The following CCDC192 variants were observed in gnomAD, a reference collection of about 807,000 sequenced individuals.
CCDC192 encodes the protein coiled-coil domain-containing protein 192.
chr5:127,778,429 A>T (rs879838992), intron 3 of CCDC192, among the ~76,000 whole-genome samples: 2 of 152,120 alleles, frequency 1.3e-5, no homozygotes, highest in Admixed American at 1.3e-4. Context: ...CCATTTTTAG[A>T]TATTGAACCA....
At chr5:127,923,995 A>G (rs1403777299) in intron 6 of CCDC192, among the ~76,000 whole-genome samples, 1 of 152,202 alleles carries the variant, frequency 6.6e-6, no homozygotes, top group African/African-American at 2.4e-5. Context: ...CTTAGGTACA[A>G]TAATAAACTT....
chr5:127,914,434 A>G (rs1242202392), intron 6 of CCDC192, among the ~76,000 whole-genome samples: 1 of 152,212 alleles, frequency 6.6e-6, no homozygotes, highest in Non-Finnish European at 1.5e-5. Context: ...CAATGTATAA[A>G]TACTATAAAT....
rs116044756 is a variant in CCDC192 at position 127,803,490 on chromosome 5, T to C, written c.411+5328T>C. 6.2e-3 allele frequency among the ~76,000 whole-genome samples: 939 copies of C among 152,326 alleles called. 10 individuals carry two copies. The highest frequency in any genetic ancestry group is 0.022 in the African/African-American group (903 of 41,568). ...GAATGTTTATAATTACTTAAAGATATCTGTTCTTGTTAGGGCGATTTGAGT... is the reference window on the plus strand; with the variant it reads ...GAATGTTTATAATTACTTAAAGATACCTGTTCTTGTTAGGGCGATTTGAGT... On this transcript the variant is annotated intron_variant, in intron 5 of 6. Transcript: ENST00000514853.
chr5:127,888,257 A>T (rs1752629759), intron 6 of CCDC192, among the ~76,000 whole-genome samples: 1 of 151,718 alleles, frequency 6.6e-6, no homozygotes, highest in African/African-American at 2.4e-5. Context: ...CTCTACTAAA[A>T]ATACAAAAAT....
At chr5:127,798,417 A>T (rs1252052697) in intron 5 of CCDC192, among the ~76,000 whole-genome samples, 2 of 152,162 alleles carry the variant, frequency 1.3e-5, no homozygotes, top group Non-Finnish European at 2.9e-5. Context: ...AGAAGAAGAG[A>T]ACTGGAAACT....
intron 5 of CCDC192, among the ~76,000 whole-genome samples, chr5:127,807,250 T>A (rs1757841044): frequency 6.6e-6 from 1 of 152,204 alleles, no homozygotes; most frequent in African/African-American, 2.4e-5. Flanking sequence ...TAGTTTATAA[T>A]TCTATGGAAT....
At chr5:127,857,652 T>C (rs1751158591) in intron 5 of CCDC192, 1 of 152,236 alleles carries the variant, frequency 6.6e-6, no homozygotes, top group Non-Finnish European at 1.5e-5. Context: ...GCTGTAGGGC[T>C]GGCTGGTAAA....
chr5:127,747,305 G>A (rs1161045281), intron 2 of CCDC192, among the ~76,000 whole-genome samples: 2 of 150,578 alleles, frequency 1.3e-5, no homozygotes, highest in Admixed American at 1.3e-4. Flanking sequence ...CCCTTCCTGT[G>A]TCCATGTGAT....
At chr5:127,920,407 CTTTTTTT>C (rs11388727) in intron 6 of CCDC192, among the ~76,000 whole-genome samples, 1 of 115,828 alleles carries the variant, frequency 8.6e-6, no homozygotes, top group Admixed American at 8.9e-5. Flanking sequence ...ACTGAAGAGG[CTTTTTTT>C]TTTTTTTTTT....
At chr5:127,815,871 A>G (rs1749000600) in intron 5 of CCDC192, among the ~76,000 whole-genome samples, 1 of 151,914 alleles carries the variant, frequency 6.6e-6, no homozygotes, top group Non-Finnish European at 1.5e-5. Flanking sequence ...CTGTCTGAAA[A>G]AAAAAATAAA....
At chr5:127,798,849 G>A (rs1757322843) in intron 5 of CCDC192, among the ~76,000 whole-genome samples, 1 of 151,930 alleles carries the variant, frequency 6.6e-6, no homozygotes, top group South Asian at 2.1e-4. Context: ...GCCTGAGAGA[G>A]ACCCCATGAA....
chr5:127,916,976 G>A (rs529383378), intron 6 of CCDC192, among the ~76,000 whole-genome samples: 4 of 152,284 alleles, frequency 2.6e-5, no homozygotes, highest in African/African-American at 9.6e-5. Context: ...TCCAATAGAA[G>A]GCTGTTTTGT....
At chr5:127,855,004 C>G (rs1751000037) in intron 5 of CCDC192, among the ~76,000 whole-genome samples, 1 of 152,082 alleles carries the variant, frequency 6.6e-6, no homozygotes, top group Admixed American at 6.5e-5. Flanking sequence ...TAATTTGTTG[C>G]TAAAAAATGT....
chr5:127,752,839 G>T (rs1580597267), intron 2 of CCDC192, among the ~76,000 whole-genome samples: 1 of 152,314 alleles, frequency 6.6e-6, no homozygotes, highest in East Asian at 1.9e-4. Context: ...AAGCCGGTTG[G>T]AAAAGTGCGG....
At chr5:127,725,145 A>G (rs920383223) in intron 2 of CCDC192, among the ~76,000 whole-genome samples, 1 of 152,220 alleles carries the variant, frequency 6.6e-6, no homozygotes, top group African/African-American at 2.4e-5. Context: ...GCAATTAGCA[A>G]AAGAGGAAAG....
In CCDC192 at chr5:127,803,390, G is replaced by C. The variant is rs138096067; in HGVS notation, c.411+5228G>C. Among the ~76,000 whole-genome samples the C allele has an allele frequency of 1.0e-3, 152 of 152,194 alleles. 4 individuals carry two copies. In the East Asian group the frequency reaches 0.028, roughly 28 times the overall value. On this transcript the variant is annotated intron_variant, in intron 5 of 6. Coordinates refer to ENST00000514853, the MANE Select transcript of CCDC192 (RefSeq NM_001317938.2). ...GCCATCACCGGGCTAAGCTGCCCTG[G>C]GCATCTTTATCACTCCCTCCCATGA...
intron 6 of CCDC192, among the ~76,000 whole-genome samples, chr5:127,897,478 G>A (rs1465122440): frequency 6.6e-6 from 1 of 152,160 alleles, no homozygotes. Context: ...AGGCTCTCGG[G>A]TTCTAAGTGC....
At chr5:127,716,289 G>A (rs973931266) in intron 2 of CCDC192, among the ~76,000 whole-genome samples, 16 of 152,042 alleles carry the variant, frequency 1.1e-4, no homozygotes, top group Admixed American at 6.6e-5. Flanking sequence ...GATTGGATTT[G>A]CTAGCATTTT....
At chr5:127,803,409 C>T (rs1313452004) in intron 5 of CCDC192, among the ~76,000 whole-genome samples, 1 of 152,170 alleles carries the variant, frequency 6.6e-6, no homozygotes, top group Non-Finnish European at 1.5e-5. Context: ...ATCACTCCCT[C>T]CCATGATTAC....
Sources: gnomAD v4.1 joint callset for allele counts (sites outside exome capture counted in the v4.1 genomes callset) on GRCh38, gnomAD v4.1.1 for gene constraint, MANE v1.5 for transcripts, NCBI Gene and HGNC (gene_info 2026-07-23, HGNC 2026-07-21) for gene names.